CACNA2D2: variants seen among roughly 807,000 people sequenced by gnomAD.
CACNA2D2 encodes the protein calcium voltage-gated channel auxiliary subunit alpha2delta 2.
CACNA2D2 carries 48 observed loss-of-function variants against 166.4 expected under a neutral mutation model. The ratio of observed to expected loss-of-function variants is 0.29; its 90% confidence interval spans 0.23 to 0.37. The LOEUF is 0.37. CACNA2D2 is among the 10% of genes least tolerant of loss of function. The probability of loss-of-function intolerance (pLI) is 1.00; values close to 1 mark genes in which losing one functional copy is unlikely to be tolerated. For synonymous variants in CACNA2D2, 561 were observed against 573.7 expected, an observed-to-expected ratio of 0.98 and a Z score of 0.32; for missense variants, 1,122 against 1,433.0, an observed-to-expected ratio of 0.78 and a Z score of 3.50.
intron 3 of CACNA2D2, among the ~76,000 whole-genome samples, chr3:50,406,652 C>T (rs1706728020): frequency 6.6e-6 from 1 of 151,738 alleles, no homozygotes; most frequent in African/African-American, 2.4e-5. Flanking sequence ...ATCAGCTCCA[C>T]CATCACTACC....
chr3:50,387,734 C>A, intron 4 of CACNA2D2, 122 bp from the exon 5 acceptor site: 1 of 745,018 alleles, frequency 1.3e-6, no homozygotes. Context: ...TCCCTTTCCC[C>A]CACCCAGAGC....
chr3:50,493,087 C>T (rs1020014899), intron 1 of CACNA2D2, among the ~76,000 whole-genome samples: 10 of 152,188 alleles, frequency 6.6e-5, no homozygotes, highest in African/African-American at 2.4e-4. Flanking sequence ...ACTTCCTTGG[C>T]ATGGTCACCC....
At chr3:50,490,887 C>A (rs1372926884) in intron 1 of CACNA2D2, among the ~76,000 whole-genome samples, 1 of 152,132 alleles carries the variant, frequency 6.6e-6, no homozygotes, top group Non-Finnish European at 1.5e-5. Context: ...CTGACCCAGA[C>A]AAGGAGGTCA....
In CACNA2D2 at chr3:50,380,966, G is replaced by C. The variant is rs1705275955; in HGVS notation, c.784+29C>G. On this transcript the variant is annotated intron_variant, in intron 7 of 37. Transcript: ENST00000424201. The surrounding 1 kb of genome is among the most constrained non-coding windows in gnomAD (Gnocchi z 4.9). The stretch of plus-strand genomic sequence containing the variant: ...TAGATGGAGAAAGGCGAGGTGCTGG[G>C]TAGACAGGGGACAGGGGCTGGTACC... 9 of 1,612,656 alleles carry C rather than the reference G, an allele frequency of 5.6e-6. No individual in the cohort carries two copies. The highest frequency in any genetic ancestry group is 7.6e-6 in the Non-Finnish European group (9 of 1,179,026).
At chr3:50,372,828 G>C (rs1704728030) in intron 22 of CACNA2D2, among the ~76,000 whole-genome samples, 1 of 152,086 alleles carries the variant, frequency 6.6e-6, no homozygotes, top group Non-Finnish European at 1.5e-5. Context: ...AAGGGTTGTG[G>C]GCCCTGAGAA....
chr3:50,455,501 G>A (rs1055992054), intron 2 of CACNA2D2, among the ~76,000 whole-genome samples: 5 of 152,220 alleles, frequency 3.3e-5, no homozygotes, highest in Non-Finnish European at 7.3e-5. Flanking sequence ...TTTAAATAGC[G>A]ACACTTTGGC....
At position 50,430,390 on chromosome 3, in the gene CACNA2D2, A is replaced by G. The variant is rs1382022738; in HGVS notation, c.405+3923T>C. On this transcript the variant is annotated intron_variant, in intron 3 of 37. Transcript: ENST00000424201. ...CACAGGATGGTGCTGCAGGGGCACAACCTTCAAGAGATTGTTCACACTGTG... is the reference window on the plus strand; with the variant it reads ...CACAGGATGGTGCTGCAGGGGCACAGCCTTCAAGAGATTGTTCACACTGTG... 2.0e-5 allele frequency among the ~76,000 whole-genome samples: 3 copies of G among 152,194 alleles called. No homozygotes were observed. The East Asian group carries it at 5.8e-4, about 29-fold the overall frequency.
At chr3:50,431,947 T>C (rs551975235) in intron 3 of CACNA2D2, among the ~76,000 whole-genome samples, 21 of 133,028 alleles carry the variant, frequency 1.6e-4, no homozygotes, top group Admixed American at 8.0e-4. Flanking sequence ...ACTGCACCAC[T>C]ATACTCCAGC....
chr3:50,376,207 G>A lies in CACNA2D2; in HGVS notation c.1627-19C>T. 6.2e-7 allele frequency: 1 copy of A among 1,612,916 alleles called. No individual in the cohort carries two copies. On this transcript the variant is annotated intron_variant, in intron 17 of 37. Coordinates refer to ENST00000424201, the MANE Select transcript of CACNA2D2 (RefSeq NM_006030.4). This position sits in a 1 kb window ranked among gnomAD's most constrained non-coding sequence, Gnocchi z 4.3. ...CTCCAAGCTGGAGGCACAGATTGGG[G>A]GCTCAGGGTCTGGAGGGATGGGCTG... is the stretch of plus-strand genomic sequence containing the variant.
At chr3:50,466,257 A>AGTGTGTGTGTGCGC (rs1553751297) in intron 2 of CACNA2D2, among the ~76,000 whole-genome samples, 2 of 149,028 alleles carry the variant, frequency 1.3e-5, no homozygotes, top group Non-Finnish European at 3.0e-5. Flanking sequence ...GCATGGGGGA[A>AGTGTGTGTGTGCGC]GTGTGTGTGT....
intron 2 of CACNA2D2, among the ~76,000 whole-genome samples, chr3:50,435,465 A>G (rs1708273049): frequency 6.6e-6 from 1 of 151,766 alleles, no homozygotes; most frequent in African/African-American, 2.4e-5. Flanking sequence ...GCCACGACTG[A>G]GCCGTGCCAC....
At chr3:50,498,706 AAG>A (rs1370488167) in intron 1 of CACNA2D2, among the ~76,000 whole-genome samples, 1 of 152,180 alleles carries the variant, frequency 6.6e-6, no homozygotes, top group Non-Finnish European at 1.5e-5. Context: ...CAGAGGAGGA[AAG>A]AGAGACAGAC....
intron 2 of CACNA2D2, among the ~76,000 whole-genome samples, chr3:50,474,773 C>T (rs1710238741): frequency 6.6e-6 from 1 of 152,186 alleles, no homozygotes; most frequent in South Asian, 2.1e-4. Flanking sequence ...CTACTTGGAG[C>T]CTGGTTAGTG....
Position 50,365,003 on chromosome 3 carries a change from G to C in CACNA2D2, c.3209-33C>G. 6.2e-7 allele frequency: 1 copy of C among 1,607,898 alleles called. No homozygotes were observed. Among genetic ancestry groups the C allele is most frequent in the Non-Finnish European group, 8.5e-7 (1 of 1,177,580 alleles). On this transcript the variant is annotated intron_variant, in intron 36 of 37. Transcript: ENST00000424201. This position sits in a 1 kb window ranked among gnomAD's most constrained non-coding sequence, Gnocchi z 4.5. The stretch of plus-strand genomic sequence containing the variant: ...TGGGTGGGGAGTCAAGGAGGCGGAC[G>C]GCGGCGGCGGCACGGAGGGGGCGCG...
intron 3 of CACNA2D2, among the ~76,000 whole-genome samples, chr3:50,400,182 T>G (rs781613387): frequency 2.0e-5 from 3 of 152,168 alleles, no homozygotes; most frequent in Non-Finnish European, 2.9e-5. Context: ...ATCTGCATAA[T>G]AATGAAGCAA....
In CACNA2D2 at chr3:50,374,624, T is replaced by C. The variant is rs937466531; in HGVS notation, c.1984+113A>G. ...TGCGGGCACCTGAGGGTGGGCAGAC[T>C]GGGCAGGAGGGACTGCCTCGCCGGC... On this transcript the variant is annotated intron_variant, in intron 22 of 37. Transcript: ENST00000424201. 4.4e-5 allele frequency: 52 copies of C among 1,191,824 alleles called. 1 individual carries two copies. Among genetic ancestry groups the C allele is most frequent in the South Asian group, 4.3e-4 (30 of 69,896 alleles). The allele number at this position is 1,191,824 out of a possible 1,614,324, so 73.8% of individuals were successfully genotyped here.
At chr3:50,440,986 A>G (rs1708564316) in intron 2 of CACNA2D2, among the ~76,000 whole-genome samples, 1 of 152,036 alleles carries the variant, frequency 6.6e-6, no homozygotes. Context: ...GCTTGGCAGC[A>G]GTAGCGCCAG....
At chr3:50,476,048 T>A in intron 2 of CACNA2D2, 70 bp downstream of exon 2, 1 of 1,354,270 alleles carries the variant, frequency 7.4e-7, no homozygotes, top group South Asian at 1.2e-5. Flanking sequence ...CCTCACTCCT[T>A]ATTTCTGAAG....
At chr3:50,480,760 G>A (rs374748156) in intron 1 of CACNA2D2, among the ~76,000 whole-genome samples, 34 of 125,018 alleles carry the variant, frequency 2.7e-4, no homozygotes, top group African/African-American at 1.1e-3. Context: ...AAACTGCATC[G>A]CATTCAGGTG....
Sources: gnomAD v4.1 joint callset for allele counts (sites outside exome capture counted in the v4.1 genomes callset) on GRCh38, gnomAD v4.1.1 for gene constraint, Gnocchi (gnomAD v3.1) non-coding constraint, MANE v1.5 for transcripts, NCBI Gene and HGNC (gene_info 2026-07-23, HGNC 2026-07-21) for gene names.